Variants in LRP1B observed in about 807,000 individuals in gnomAD.
LRP1B encodes LDL receptor related protein 1B.
Under a neutral mutation model 556.6 loss-of-function variants are expected in LRP1B, and 217 were observed. The observed-to-expected ratio is 0.39, with a 90% CI of 0.35 to 0.44. The LOEUF (loss-of-function observed/expected upper bound fraction) is 0.44. LRP1B is among the 20% of genes least tolerant of loss of function. The pLI, the probability that LRP1B is intolerant of heterozygous loss-of-function variation, is 1.00. For synonymous variants in LRP1B, 2,047 were observed against 1,865.8 expected, an observed-to-expected ratio of 1.10 and a Z score of -2.50; for missense variants, 5,053 against 5,620.8, an observed-to-expected ratio of 0.90 and a Z score of 3.23.
chr2:140,995,965 A>G (rs1023261562), intron 15 of LRP1B, among the ~76,000 whole-genome samples: 13 of 151,928 alleles, frequency 8.6e-5, no homozygotes, highest in African/African-American at 2.9e-4. Flanking sequence ...TGGACTGTAA[A>G]AGGGTAGAGG....
chr2:140,283,948 A>G (rs1430256820), intron 84 of LRP1B, among the ~76,000 whole-genome samples: 1 of 151,732 alleles, frequency 6.6e-6, no homozygotes, highest in Non-Finnish European at 1.5e-5. Context: ...TGACAGCTAA[A>G]TATGGCTTAT....
intron 66 of LRP1B, among the ~76,000 whole-genome samples, chr2:140,411,275 TTTAG>T (rs1234912766): frequency 6.6e-6 from 1 of 152,134 alleles, no homozygotes; most frequent in Non-Finnish European, 1.5e-5. Flanking sequence ...TTGAAATAGC[TTTAG>T]TTAACAGTAT....
intron 3 of LRP1B, among the ~76,000 whole-genome samples, chr2:141,367,644 G>A (rs184785260): frequency 1.2e-3 from 187 of 151,282 alleles, no homozygotes; most frequent in African/African-American, 4.3e-3. Context: ...CACCATGCCC[G>A]GCTAATTTTT....
At chr2:140,612,920 C>T (rs1574142923) in intron 41 of LRP1B, among the ~76,000 whole-genome samples, 1 of 152,034 alleles carries the variant, frequency 6.6e-6, no homozygotes, top group East Asian at 1.9e-4. Context: ...ACCACTTTTG[C>T]TTGGCATTTT....
chr2:140,946,972 T>C (rs538657223), intron 20 of LRP1B, among the ~76,000 whole-genome samples: 1 of 152,208 alleles, frequency 6.6e-6, no homozygotes, highest in East Asian at 1.9e-4. Context: ...AGCTAAACCT[T>C]TGGTACACGT....
At position 140,644,119 on chromosome 2, in the gene LRP1B, A is replaced by G. The variant is rs574405; in HGVS notation, c.6800-42480T>C. On this transcript the variant is annotated intron_variant, in intron 41 of 90. Transcript: ENST00000389484. ...TTCCCCAGCTGTTTGGTCTGCTGCT[A>G]TTACTTATTTCAAAGGCATTTGAGC... 8.6e-3 allele frequency among the ~76,000 whole-genome samples: 1,309 copies of G among 152,174 alleles called. 19 individuals carry two copies. The highest frequency in any genetic ancestry group is 0.03 in the African/African-American group (1,252 of 41,516).
intron 2 of LRP1B, among the ~76,000 whole-genome samples, chr2:141,555,741 C>T (rs577817535): frequency 3.3e-5 from 5 of 151,922 alleles, no homozygotes; most frequent in South Asian, 4.1e-4. Context: ...TAGTAAGCCA[C>T]GTTGATGAGG....
chr2:141,928,895 A>G (rs1200401617), intron 1 of LRP1B, among the ~76,000 whole-genome samples: 1 of 152,002 alleles, frequency 6.6e-6, no homozygotes, highest in Non-Finnish European at 1.5e-5. Flanking sequence ...TTCACTATAG[A>G]CCTTTATTAG....
chr2:140,367,038 A>G (rs1321460917), intron 71 of LRP1B, among the ~76,000 whole-genome samples: 2 of 151,700 alleles, frequency 1.3e-5, no homozygotes, highest in Non-Finnish European at 2.9e-5. Flanking sequence ...AAGTGAAACA[A>G]ATCTTCTGTT....
chr2:140,681,773 A>G (rs1439588775), intron 41 of LRP1B, among the ~76,000 whole-genome samples: 3 of 152,202 alleles, frequency 2.0e-5, no homozygotes, highest in African/African-American at 7.2e-5. Context: ...AGCAAAGCTC[A>G]TCTTTTGTTG....
chr2:141,537,306 AAAAT>A (rs1467603164), intron 2 of LRP1B, among the ~76,000 whole-genome samples: 1 of 152,110 alleles, frequency 6.6e-6, no homozygotes, highest in Admixed American at 6.6e-5. Flanking sequence ...ATATGAATTT[AAAAT>A]AAATAACAAA....
chr2:140,848,893 C>A (rs1333419030), intron 29 of LRP1B, among the ~76,000 whole-genome samples: 2 of 152,080 alleles, frequency 1.3e-5, no homozygotes, highest in Non-Finnish European at 2.9e-5. Flanking sequence ...CATATATGTT[C>A]TCAGTGTTGG....
intron 4 of LRP1B, among the ~76,000 whole-genome samples, chr2:141,248,361 A>G (rs954146384): frequency 1.4e-4 from 21 of 152,178 alleles, no homozygotes; most frequent in Admixed American, 5.9e-4. Context: ...TAATTATGAT[A>G]CTATACATTT....
chr2:140,728,137 C>T (rs1171415132), intron 35 of LRP1B, among the ~76,000 whole-genome samples: 2 of 125,490 alleles, frequency 1.6e-5, no homozygotes, highest in Non-Finnish European at 3.3e-5. Context: ...ATGGAATTTG[C>T]ATTAAACATT....
intron 1 of LRP1B, among the ~76,000 whole-genome samples, chr2:141,952,687 A>T (rs1574525362): frequency 6.6e-6 from 1 of 152,256 alleles, no homozygotes; most frequent in East Asian, 1.9e-4. Context: ...GAGAATCCCA[A>T]ATTGCACTCT....
chr2:142,092,648 GTGTT>G (rs974217384), intron 1 of LRP1B, among the ~76,000 whole-genome samples: 2 of 152,006 alleles, frequency 1.3e-5, no homozygotes, highest in Non-Finnish European at 2.9e-5. Flanking sequence ...GTGTGTGTGT[GTGTT>G]TTTGTATGGG....
At chr2:140,727,453 G>A (rs1687633333) in intron 35 of LRP1B, among the ~76,000 whole-genome samples, 1 of 152,130 alleles carries the variant, frequency 6.6e-6, no homozygotes, top group Non-Finnish European at 1.5e-5. Flanking sequence ...CTCTGGAGGA[G>A]GCTATGAAAG....
rs1464861520 is a variant in LRP1B, at chr2:141,013,568, G to A, written c.2368C>T (p.Arg790Ter). Reference sequence around the variant, plus strand: ...TGTTTTTTAATACCTTGTTGCTTTCGTGGATCATAAATCTGAAGCCCAAAT... The same window carrying A: ...TGTTTTTTAATACCTTGTTGCTTTCATGGATCATAAATCTGAAGCCCAAAT... ...PLFGLQIYDP[R>*]KQQGDNMCRV... Residue 790 changes from arginine to a stop codon, truncating the protein, a stop_gained, in exon 14 of 91, where the codon CGA (arginine) becomes TGA (stop). Coordinates refer to ENST00000389484, the MANE Select transcript of LRP1B (RefSeq NM_018557.3). LOFTEE classifies it high-confidence loss of function. 4.4e-6 allele frequency: 7 copies of A among 1,606,450 alleles called. No homozygotes were observed. Among genetic ancestry groups the A allele is most frequent in the South Asian group, 1.1e-5 (1 of 89,856 alleles).
intron 43 of LRP1B, among the ~76,000 whole-genome samples, chr2:140,593,934 T>C (rs912562049): frequency 1.3e-5 from 2 of 152,108 alleles, no homozygotes; most frequent in African/African-American, 4.8e-5. Context: ...AAATAGTGTA[T>C]CAGCATTTTT....
Sources: allele counts gnomAD v4.1 joint callset (sites outside exome capture counted in the v4.1 genomes callset), GRCh38; gene constraint gnomAD v4.1.1; transcripts MANE v1.5; gene names NCBI Gene and HGNC (gene_info 2026-07-23, HGNC 2026-07-21).